The following DCDC1 variants were observed in gnomAD, a reference collection of about 807,000 sequenced individuals.
DCDC1 encodes the protein doublecortin domain containing 1, also known as doublecortin domain-containing protein 1.
In DCDC1, 200 loss-of-function variants were observed where a neutral mutation model predicts 178.3. The ratio of observed to expected loss-of-function variants is 1.12; its 90% confidence interval spans 1.00 to 1.26. The LOEUF (loss-of-function observed/expected upper bound fraction) is 1.26, where lower values mean the gene tolerates loss of function less well. Among genes scored for constraint, DCDC1 ranks in the 50% most tolerant of loss-of-function variants. The pLI, the probability that DCDC1 is intolerant of heterozygous loss-of-function variation, is 0.00. For missense variants in DCDC1, 1,983 were observed against 1,749.2 expected, an observed-to-expected ratio of 1.13 and a Z score of -2.38; for synonymous variants, 690 against 604.8, an observed-to-expected ratio of 1.14 and a Z score of -2.07.
chr11:31,348,166 C>T (rs1348944606), intron 1 of DCDC1, among the ~76,000 whole-genome samples: 1 of 152,202 alleles, frequency 6.6e-6, no homozygotes, highest in East Asian at 1.9e-4. Flanking sequence ...TCATAACATA[C>T]TTGCTGACTT....
chr11:30,989,387 A>G (rs955834638), intron 20 of DCDC1, among the ~76,000 whole-genome samples: 1 of 152,226 alleles, frequency 6.6e-6, no homozygotes, highest in African/African-American at 2.4e-5. Context: ...GAAGAACAAG[A>G]CAATCCAAAC....
chr11:31,222,125 T>C (rs1813133), intron 9 of DCDC1, among the ~76,000 whole-genome samples: 148,315 of 152,252 alleles, frequency 0.97, 72,270 homozygotes, highest in East Asian at 1. Context: ...TGCAGTGGTG[T>C]GATGTCGGCT....
chr11:31,125,793 G>A (rs548131781), intron 11 of DCDC1, among the ~76,000 whole-genome samples: 17 of 152,224 alleles, frequency 1.1e-4, no homozygotes, highest in Non-Finnish European at 1.9e-4. Context: ...TGGGTGGGGG[G>A]TAGAGCATTA....
chr11:31,266,491 C>G (rs1322616087), intron 7 of DCDC1, among the ~76,000 whole-genome samples: 1 of 152,154 alleles, frequency 6.6e-6, no homozygotes, highest in Non-Finnish European at 1.5e-5. Flanking sequence ...ACATGAAATT[C>G]ACCATATTCA....
chr11:31,064,372 A>G, intron 20 of DCDC1, 97 bp downstream of exon 20: 1 of 637,194 alleles, frequency 1.6e-6, no homozygotes, highest in South Asian at 2.1e-5. Flanking sequence ...GGCTTTTGAG[A>G]TATTTCAATT....
chr11:30,899,863 T>A (rs1163331651), intron 33 of DCDC1, among the ~76,000 whole-genome samples: 3 of 152,148 alleles, frequency 2.0e-5, no homozygotes, highest in Admixed American at 1.3e-4. Context: ...TGTTTTATTA[T>A]ATAGATTTAC....
At chr11:30,959,769 GAATC>G in intron 20 of DCDC1, among the ~76,000 whole-genome samples, 1 of 152,120 alleles carries the variant, frequency 6.6e-6, no homozygotes, top group Non-Finnish European at 1.5e-5. Context: ...GGGACAAGAG[GAATC>G]AATAAATAAA....
intron 6 of DCDC1, among the ~76,000 whole-genome samples, chr11:31,291,549 A>C (rs1947232052): frequency 6.6e-6 from 1 of 152,100 alleles, no homozygotes; most frequent in African/African-American, 2.4e-5. Flanking sequence ...CGAAAATGTA[A>C]GGGTAAGAAG....
chr11:31,281,977 T>G (rs1232164974), intron 7 of DCDC1, among the ~76,000 whole-genome samples: 1 of 152,148 alleles, frequency 6.6e-6, no homozygotes, highest in East Asian at 1.9e-4. Context: ...GATCATGATG[T>G]ATTGTTGGAT....
chr11:31,156,363 C>T (rs1965716921), intron 9 of DCDC1, among the ~76,000 whole-genome samples: 1 of 152,132 alleles, frequency 6.6e-6, no homozygotes, highest in Non-Finnish European at 1.5e-5. Context: ...CATATCAAAA[C>T]ACGCGGCCAG....
chr11:31,047,234 A>C (rs1268624029), intron 20 of DCDC1, among the ~76,000 whole-genome samples: 1 of 152,230 alleles, frequency 6.6e-6, no homozygotes, highest in Non-Finnish European at 1.5e-5. Flanking sequence ...TATACAAATT[A>C]AGGTTCACAC....
chr11:31,060,619 C>T (rs1362671802), intron 20 of DCDC1, among the ~76,000 whole-genome samples: 1 of 152,014 alleles, frequency 6.6e-6, no homozygotes, highest in African/African-American at 2.4e-5. Flanking sequence ...TCCAAATATT[C>T]TTAATAGCAA....
At chr11:30,901,181 A>T (rs1338698478) in intron 32 of DCDC1, among the ~76,000 whole-genome samples, 1 of 152,076 alleles carries the variant, frequency 6.6e-6, no homozygotes, top group Non-Finnish European at 1.5e-5. Context: ...ATCTGAGAAA[A>T]ATTCATTTAA....
chr11:30,962,244 T>A lies in DCDC1; in HGVS notation c.2592-9676A>T, dbSNP rs77338063. Among the ~76,000 whole-genome samples the A allele has an allele frequency of 8.3e-3, 1,270 of 152,210 alleles. 14 individuals are homozygous for A. The highest frequency in any genetic ancestry group is 0.028 in the African/African-American group (1,175 of 41,552). Reference sequence around the variant, plus strand: ...GTAAATTAAACATTATTCTACTTTATTTCTGGAATATTTTGTACAAACTAA... The same window carrying A: ...GTAAATTAAACATTATTCTACTTTAATTCTGGAATATTTTGTACAAACTAA... On this transcript the variant is annotated intron_variant, in intron 20 of 38. Transcript: ENST00000684477.
intron 20 of DCDC1, among the ~76,000 whole-genome samples, chr11:30,989,020 T>A (rs1432007187): frequency 6.6e-6 from 1 of 152,184 alleles, no homozygotes; most frequent in East Asian, 1.9e-4. Context: ...GATATTTCTA[T>A]GGCATTCCAA....
At chr11:30,865,460 T>A (rs2133891109) in intron 38 of DCDC1, 128 bp from the exon 39 acceptor site, 1 of 153,410 alleles carries the variant, frequency 6.5e-6, no homozygotes, top group Middle Eastern at 3.4e-3. Context: ...GAAAAAATTA[T>A]CAGAATAGGT....
chr11:31,259,535 G>A (rs1242955379), intron 8 of DCDC1, among the ~76,000 whole-genome samples: 1 of 152,094 alleles, frequency 6.6e-6, no homozygotes, highest in Non-Finnish European at 1.5e-5. Flanking sequence ...TTATAGATAA[G>A]GAAACTGACT....
intron 9 of DCDC1, among the ~76,000 whole-genome samples, chr11:31,232,879 A>C (rs1975966054): frequency 6.6e-6 from 1 of 152,128 alleles, no homozygotes; most frequent in Non-Finnish European, 1.5e-5. Context: ...ATCTGAGGTA[A>C]GGAGTTCGAG....
In DCDC1 at chr11:30,931,862, C is replaced by T; in HGVS notation, c.2806G>A (p.Val936Met). 6.2e-7 allele frequency: 1 copy of T among 1,613,106 alleles called. No homozygotes were observed. Among genetic ancestry groups the T allele is most frequent in the Non-Finnish European group, 8.5e-7 (1 of 1,179,412 alleles). ...CCATTCTGCAAAACTCTGAGTCGCA[C>T]AGGGGCATATGGCTCTGTTGTCTTA... is the stretch of plus-strand genomic sequence containing the variant. ...ICKTTEPYAP[V>M]RLRVLQNGEK... The change falls in exon 22 of 39, where the codon GTG (valine) becomes ATG (methionine). Residue 936 changes from valine to methionine, a missense_variant. Coordinates refer to ENST00000684477, the MANE Select transcript of DCDC1 (RefSeq NM_001387274.1).
Sources: allele counts gnomAD v4.1 joint callset (sites outside exome capture counted in the v4.1 genomes callset), GRCh38; gene constraint gnomAD v4.1.1; transcripts MANE v1.5; gene names NCBI Gene and HGNC (gene_info 2026-07-23, HGNC 2026-07-21).